The following CADM2 variants were observed in gnomAD, a reference collection of about 807,000 sequenced individuals.
CADM2 encodes the protein immunoglobulin superfamily member 4D.
CADM2 carries 12 observed loss-of-function variants against 49.8 expected under a neutral mutation model. The observed-to-expected ratio is 0.24, with a 90% CI of 0.15 to 0.39. The LOEUF (loss-of-function observed/expected upper bound fraction) is 0.39. Among genes scored for constraint, CADM2 ranks in the 10% least tolerant of loss-of-function variants. The pLI is 1.00. For synonymous variants in CADM2, 214 were observed against 175.4 expected, an observed-to-expected ratio of 1.22 and a Z score of -1.74; for missense variants, 378 against 492.3, an observed-to-expected ratio of 0.77 and a Z score of 2.20.
At chr3:85,887,625 A>C (rs1713851866) in intron 5 of CADM2, among the ~76,000 whole-genome samples, 1 of 152,142 alleles carries the variant, frequency 6.6e-6, no homozygotes, top group African/African-American at 2.4e-5. Flanking sequence ...TTTCTAATAA[A>C]TATACATTAT....
intron 3 of CADM2, among the ~76,000 whole-genome samples, chr3:85,816,182 C>A (rs532418330): frequency 4.0e-5 from 6 of 151,354 alleles, no homozygotes; most frequent in South Asian, 4.2e-4. Context: ...GATGCCCTCC[C>A]CCATAGTGAA....
chr3:85,547,141 TTTG>T (rs1270274364), intron 1 of CADM2, among the ~76,000 whole-genome samples: 3 of 152,078 alleles, frequency 2.0e-5, no homozygotes, highest in Non-Finnish European at 4.4e-5. Flanking sequence ...AAATTAAATA[TTTG>T]TTGTATTGAT....
intron 1 of CADM2, among the ~76,000 whole-genome samples, chr3:85,425,255 G>A (rs1238774264): frequency 6.6e-6 from 1 of 152,174 alleles, no homozygotes; most frequent in Non-Finnish European, 1.5e-5. Context: ...TAAATTACCA[G>A]ACTTAATGAT....
chr3:85,302,802 A>C (rs188687406), intron 1 of CADM2, among the ~76,000 whole-genome samples: 565 of 152,086 alleles, frequency 3.7e-3, no homozygotes, highest in Middle Eastern at 6.8e-3. Flanking sequence ...ATGTAATATA[A>C]CAATTGTATG....
chr3:85,282,122 A>T (rs1445087016), intron 1 of CADM2, among the ~76,000 whole-genome samples: 3 of 151,930 alleles, frequency 2.0e-5, no homozygotes, highest in Non-Finnish European at 4.4e-5. Context: ...CATTTAACTT[A>T]TTTAGAATAA....
At chr3:86,014,979 CA>C in intron 8 of CADM2, 1 of 1,257,766 alleles carries the variant, frequency 8.0e-7, no homozygotes, top group Non-Finnish European at 1.2e-6. Flanking sequence ...TTTGACAGAC[CA>C]AAGTTCGAGT....
intron 1 of CADM2, among the ~76,000 whole-genome samples, chr3:85,034,891 C>T (rs941683646): frequency 6.7e-6 from 1 of 149,996 alleles, no homozygotes; most frequent in Non-Finnish European, 1.5e-5. Context: ...CAACCTCCAC[C>T]TCCTGGGTTC....
chr3:85,661,622 C>G (rs1553657351), intron 1 of CADM2, among the ~76,000 whole-genome samples: 1 of 151,574 alleles, frequency 6.6e-6, no homozygotes, highest in Non-Finnish European at 1.5e-5. Context: ...TCTTTTTTTT[C>G]TCCCCTAAGT....
chr3:85,095,784 T>C (rs1257514079), intron 1 of CADM2, among the ~76,000 whole-genome samples: 1 of 152,148 alleles, frequency 6.6e-6, no homozygotes, highest in Non-Finnish European at 1.5e-5. Flanking sequence ...TTTTTTTCTA[T>C]ACTCTGTAGC....
chr3:86,029,339 A>G (rs1734279443), intron 8 of CADM2, among the ~76,000 whole-genome samples: 1 of 152,106 alleles, frequency 6.6e-6, no homozygotes, highest in Non-Finnish European at 1.5e-5. Flanking sequence ...GTCAAAGTTA[A>G]TAAGAATCTG....
At chr3:85,260,933 A>T (rs1254574007) in intron 1 of CADM2, among the ~76,000 whole-genome samples, 1 of 152,096 alleles carries the variant, frequency 6.6e-6, no homozygotes, top group Non-Finnish European at 1.5e-5. Flanking sequence ...GGTTCTCAGA[A>T]ATCTTACAAT....
intron 8 of CADM2, among the ~76,000 whole-genome samples, chr3:86,037,440 A>AG (rs372894073): frequency 2.0e-5 from 3 of 151,970 alleles, no homozygotes; most frequent in Non-Finnish European, 2.9e-5. Context: ...ACTTTAAGAG[A>AG]GGGGGGCAGG....
At chr3:85,393,315 G>A (rs2034612392) in intron 1 of CADM2, among the ~76,000 whole-genome samples, 1 of 152,166 alleles carries the variant, frequency 6.6e-6, no homozygotes, top group Admixed American at 6.5e-5. Context: ...GGAGAAGGAT[G>A]ATGATCTTGA....
chr3:85,107,629 C>T (rs371601199), intron 1 of CADM2, among the ~76,000 whole-genome samples: 23 of 91,694 alleles, frequency 2.5e-4, no homozygotes, highest in East Asian at 1.1e-3. Flanking sequence ...TTCTTTCTTT[C>T]TTTTTCTTTC....
chr3:85,982,571 C>A (rs1727609253), intron 8 of CADM2, among the ~76,000 whole-genome samples: 1 of 151,630 alleles, frequency 6.6e-6, no homozygotes, highest in African/African-American at 2.4e-5. Flanking sequence ...TGAGGACTGC[C>A]TAAGTCACCA....
intron 1 of CADM2, among the ~76,000 whole-genome samples, chr3:85,109,543 T>C (rs1458297185): frequency 4.6e-5 from 7 of 152,064 alleles, no homozygotes; most frequent in South Asian, 4.1e-4. Context: ...TGGGATGGTA[T>C]AGAAAGAATA....
At chr3:85,503,070 G>A (rs56350211) in intron 1 of CADM2, among the ~76,000 whole-genome samples, 31,505 of 125,400 alleles carry the variant, frequency 0.25, 3,887 homozygotes, top group East Asian at 0.46. Context: ...TGAAATGGTA[G>A]CCACACATAC....
At chr3:85,471,474 T>G (rs1366722698) in intron 1 of CADM2, among the ~76,000 whole-genome samples, 3 of 152,200 alleles carry the variant, frequency 2.0e-5, no homozygotes, top group African/African-American at 7.2e-5. Context: ...GAAAACCAAA[T>G]GTAGGTGGAC....
At chr3:85,370,597 A>G (rs529747143) in intron 1 of CADM2, among the ~76,000 whole-genome samples, 6 of 152,302 alleles carry the variant, frequency 3.9e-5, no homozygotes, top group African/African-American at 1.4e-4. Context: ...GGCATATACA[A>G]TTATGTACAG....
Sources: allele counts gnomAD v4.1 joint callset (sites outside exome capture counted in the v4.1 genomes callset), GRCh38; gene constraint gnomAD v4.1.1; transcripts MANE v1.5; gene names NCBI Gene and HGNC (gene_info 2026-07-23, HGNC 2026-07-21).